The following SCARA5 variants were observed in gnomAD, a reference collection of about 807,000 sequenced individuals.
SCARA5 encodes scavenger receptor class A, member 5 (putative).
Under a neutral mutation model 46.3 loss-of-function variants are expected in SCARA5, and 45 were observed. That is an observed-to-expected ratio of 0.97 (90% confidence interval 0.76 to 1.24). SCARA5 has a LOEUF of 1.24. Among genes scored for constraint, SCARA5 ranks in the 50% most tolerant of loss-of-function variants. The pLI is 0.00. For synonymous variants in SCARA5, 333 were observed against 306.5 expected, an observed-to-expected ratio of 1.09 and a Z score of -0.90; for missense variants, 680 against 689.0, an observed-to-expected ratio of 0.99 and a Z score of 0.15.
At chr8:27,904,297 C>T (rs1481935063) in intron 7 of SCARA5, 4 of 173,338 alleles carry the variant, frequency 2.3e-5, no homozygotes, top group Non-Finnish European at 4.9e-5. Flanking sequence ...TGTGCAAGCA[C>T]CTCTGATGAT....
intron 4 of SCARA5, among the ~76,000 whole-genome samples, chr8:27,920,458 A>G (rs936182243): frequency 8.6e-5 from 13 of 152,018 alleles, no homozygotes; most frequent in African/African-American, 2.9e-4. Flanking sequence ...TACTAAAAAT[A>G]CAAAAATTAG....
chr8:27,949,712 C>T (rs181408245), intron 3 of SCARA5, among the ~76,000 whole-genome samples: 9 of 152,222 alleles, frequency 5.9e-5, no homozygotes, highest in South Asian at 2.1e-4. Context: ...TGGAAACTCA[C>T]GCCCACGGTA....
chr8:27,908,311 G>C (rs900861770), intron 5 of SCARA5, among the ~76,000 whole-genome samples: 1 of 152,082 alleles, frequency 6.6e-6, no homozygotes, highest in African/African-American at 2.4e-5. Flanking sequence ...CAGGGCTCTT[G>C]GCCATGAGGC....
intron 3 of SCARA5, among the ~76,000 whole-genome samples, chr8:27,962,795 T>C (rs1808312565): frequency 6.6e-6 from 1 of 152,220 alleles, no homozygotes; most frequent in Admixed American, 6.5e-5. Flanking sequence ...GTGTATGTAT[T>C]CATGATTTTA....
intron 7 of SCARA5, among the ~76,000 whole-genome samples, chr8:27,881,052 C>G (rs549837242): frequency 2.0e-5 from 3 of 152,130 alleles, no homozygotes; most frequent in Non-Finnish European, 4.4e-5. Context: ...ACAACAGATG[C>G]TGATAAGCCC....
chr8:27,936,369 A>G (rs1807857139), intron 3 of SCARA5, among the ~76,000 whole-genome samples: 1 of 152,092 alleles, frequency 6.6e-6, no homozygotes, highest in South Asian at 2.1e-4. Context: ...CAGGCAGATC[A>G]CTTGAGGTCA....
chr8:27,979,762 T>C lies in SCARA5; in HGVS notation c.112+7742A>G, dbSNP rs182434448. The stretch of plus-strand genomic sequence containing the variant: ...TTTTAGTAGAGACAGGGTTCCACCA[T>C]GTTGCCCAGGCTGGTCTCAAACTCC... On this transcript the variant is annotated intron_variant, in intron 2 of 8. Coordinates refer to ENST00000354914, the MANE Select transcript of SCARA5 (RefSeq NM_173833.6). Among the ~76,000 whole-genome samples the C allele has an allele frequency of 2.5e-3, 383 of 152,214 alleles. 3 individuals are homozygous for C. The highest frequency in any genetic ancestry group is 8.7e-3 in the African/African-American group (363 of 41,532).
At chr8:27,981,115 A>G (rs1808607647) in intron 2 of SCARA5, among the ~76,000 whole-genome samples, 1 of 152,154 alleles carries the variant, frequency 6.6e-6, no homozygotes, top group African/African-American at 2.4e-5. Flanking sequence ...TACCCGGGTT[A>G]TATCATGTAA....
At chr8:27,946,827 A>G (rs1297325949) in intron 3 of SCARA5, among the ~76,000 whole-genome samples, 3 of 152,136 alleles carry the variant, frequency 2.0e-5, no homozygotes, top group Non-Finnish European at 2.9e-5. Flanking sequence ...GGCCTTGGGC[A>G]TCTGCATTTC....
intron 2 of SCARA5, among the ~76,000 whole-genome samples, chr8:27,967,589 C>T (rs1321355774): frequency 6.6e-6 from 1 of 152,060 alleles, no homozygotes; most frequent in African/African-American, 2.4e-5. Context: ...TGGGTAAGAC[C>T]CCTCTCCAGA....
At chr8:27,906,219 T>C (rs1318272586) in intron 6 of SCARA5, among the ~76,000 whole-genome samples, 1 of 152,196 alleles carries the variant, frequency 6.6e-6, no homozygotes, top group African/African-American at 2.4e-5. Context: ...TAGTTTTCAT[T>C]TTAACAAGTG....
At chr8:27,874,227 G>C (rs1356286202) in intron 8 of SCARA5, among the ~76,000 whole-genome samples, 5 of 152,198 alleles carry the variant, frequency 3.3e-5, no homozygotes, top group African/African-American at 1.2e-4. Flanking sequence ...AATCCTACAG[G>C]CTTCCATCTG....
Position 27,922,283 on chromosome 8 carries a change from G to A in SCARA5, c.242-38C>T, listed in dbSNP as rs532633258. 22 of 1,465,530 alleles carry A rather than the reference G, an allele frequency of 1.5e-5. No individual in the cohort carries two copies. The African/African-American group carries it at 2.9e-4, about 19-fold the overall frequency. The allele number at this position is 1,465,530 out of a possible 1,614,324, so 90.8% of individuals were successfully genotyped here. ...AAGAGGGGAGACTTGAGCACCGCTG[G>A]GGAGGAAGGCCCCGGGTGACAAGAG... On this transcript the variant is annotated intron_variant, in intron 3 of 8. Coordinates refer to ENST00000354914, the MANE Select transcript of SCARA5 (RefSeq NM_173833.6).
At chr8:27,895,142 G>A (rs982049155) in intron 7 of SCARA5, among the ~76,000 whole-genome samples, 4 of 152,196 alleles carry the variant, frequency 2.6e-5, no homozygotes, top group East Asian at 3.8e-4. Flanking sequence ...AAAGGAGGTT[G>A]TGGAGAATAG....
intron 2 of SCARA5, among the ~76,000 whole-genome samples, chr8:27,967,527 G>A (rs1051127044): frequency 1.3e-5 from 2 of 152,074 alleles, no homozygotes; most frequent in Admixed American, 1.3e-4. Context: ...GCGGGGGGAC[G>A]GCATTTTTTT....
chr8:27,886,502 TG>T (rs1463723092), intron 7 of SCARA5, among the ~76,000 whole-genome samples: 2 of 152,200 alleles, frequency 1.3e-5, no homozygotes, highest in Non-Finnish European at 2.9e-5. Flanking sequence ...TAGGCTGCCC[TG>T]ATTCAGGAAC....
At chr8:27,946,897 G>A (rs1006554575) in intron 3 of SCARA5, among the ~76,000 whole-genome samples, 7 of 151,808 alleles carry the variant, frequency 4.6e-5, no homozygotes, top group African/African-American at 1.5e-4. Context: ...CTGAGATCCT[G>A]CAGAATGACT....
At chr8:27,978,192 A>ACT (rs1232040144) in intron 2 of SCARA5, among the ~76,000 whole-genome samples, 5 of 113,654 alleles carry the variant, frequency 4.4e-5, no homozygotes, top group African/African-American at 1.6e-4. Context: ...ACATCCGGCT[A>ACT]ATTTTTTTTT....
chr8:27,949,488 G>A lies in SCARA5; in HGVS notation c.241+16926C>T, dbSNP rs116848133. 9.0e-4 allele frequency among the ~76,000 whole-genome samples: 137 copies of A among 152,320 alleles called. 1 individual carries two copies. In the East Asian group the frequency reaches 0.013, roughly 15 times the overall value. The stretch of plus-strand genomic sequence containing the variant: ...GGGAAATATGATTATTACTGTAACC[G>A]TAAGGGTGGAGTTGGGTGAGGTTGG... On this transcript the variant is annotated intron_variant, in intron 3 of 8. Transcript: ENST00000354914.
Sources: allele counts gnomAD v4.1 joint callset (sites outside exome capture counted in the v4.1 genomes callset), GRCh38; gene constraint gnomAD v4.1.1; transcripts MANE v1.5; gene names NCBI Gene and HGNC (gene_info 2026-07-23, HGNC 2026-07-21).